The following LRP2 variants were observed in gnomAD, a reference collection of about 807,000 sequenced individuals.
The protein encoded by LRP2 is LDL receptor related protein 2, also known as low-density lipoprotein receptor-related protein 2.
A neutral mutation model predicts 531.0 loss-of-function variants in LRP2; 172 were observed. That is an observed-to-expected ratio of 0.32 (90% CI 0.29 to 0.37). The LOEUF is 0.37. Ranked by LOEUF, LRP2 falls within the 10% of genes least tolerant of loss-of-function variation. The probability of loss-of-function intolerance (pLI) is 1.00; values close to 1 mark genes in which losing one functional copy is unlikely to be tolerated. For missense variants in LRP2, 5,167 were observed against 5,868.3 expected, an observed-to-expected ratio of 0.88 and a Z score of 3.90; for synonymous variants, 1,992 against 2,027.6, an observed-to-expected ratio of 0.98 and a Z score of 0.47.
rs193104929 is a variant in LRP2, at chr2:169,183,153, G to A, written c.9846-834C>T. On this transcript the variant is annotated intron_variant, in intron 50 of 78. Transcript: ENST00000649046. ...TAGGATTTGATAATCAATTCCAACC[G>A]GAAGGAGAATGAAGGAGAATGATTT... Among the ~76,000 whole-genome samples, 149 of 152,252 alleles carry A rather than the reference G, an allele frequency of 9.8e-4. 1 individual carries two copies. Among genetic ancestry groups the A allele is most frequent in the African/African-American group, 3.3e-3 (138 of 41,552 alleles).
chr2:169,163,653 G>T (rs948162098), intron 62 of LRP2, among the ~76,000 whole-genome samples: 1 of 151,980 alleles, frequency 6.6e-6, no homozygotes, highest in Non-Finnish European at 1.5e-5. Flanking sequence ...TCAAATGCCT[G>T]GTATGTTTCT....
rs1164350908 is a variant in LRP2, at chr2:169,247,585, T to C, written c.2771-70A>G. 3 of 1,529,170 alleles carry C rather than the reference T, an allele frequency of 2.0e-6. No individual in the cohort carries two copies. The African/African-American group carries it at 4.1e-5, about 21-fold the overall frequency. 94.7% of individuals were successfully genotyped at this position (1,529,170 alleles called of 1,614,324 possible). ...CTTATAAATAAATCACTTGAGAAAA[T>C]GCAATAGGCTTGAAATGCTTCTTGC... On this transcript the variant is annotated intron_variant, in intron 19 of 78. Transcript: ENST00000649046.
At position 169,206,744 on chromosome 2, in the gene LRP2, C is replaced by G; in HGVS notation, c.6976G>C (p.Val2326Leu). The G allele has an allele frequency of 6.2e-7, 1 of 1,614,158 alleles. No individual in the cohort carries two copies. Among genetic ancestry groups the G allele is most frequent in the Non-Finnish European group, 8.5e-7 (1 of 1,180,014 alleles). ...IRDNINWLRD[V>L]TIFDKQVQPR... ...TGGACTTGCTTGTCAAAGATGGTCA[C>G]ATCTCTTAGCCAGTTGATATTGTCT... The change falls in exon 39 of 79, where the codon GTG (valine) becomes CTG (leucine). Residue 2326 changes from valine to leucine, a missense_variant. Around this residue, in one of 6 missense-constraint regions of LRP2, gnomAD observed 2,811 missense variants for 3,058.0 expected, o/e 0.92. Coordinates refer to ENST00000649046, the MANE Select transcript of LRP2 (RefSeq NM_004525.3).
intron 19 of LRP2, among the ~76,000 whole-genome samples, chr2:169,255,409 T>G (rs556325898): frequency 6.6e-6 from 1 of 152,216 alleles, no homozygotes; most frequent in East Asian, 1.9e-4. Flanking sequence ...TGCACTCAAA[T>G]GGGGAGCTGA....
At chr2:169,152,756 A>G (rs759989260) in intron 67 of LRP2, 43 bp downstream of exon 67, 16 of 1,611,470 alleles carry the variant, frequency 9.9e-6, no homozygotes, top group East Asian at 2.2e-5. Flanking sequence ...AACTCTAACC[A>G]GGAAAACAGA....
intron 8 of LRP2, 122 bp from the exon 9 acceptor site, chr2:169,289,267 C>G (rs1207889311): frequency 7.8e-7 from 1 of 1,282,992 alleles, no homozygotes; most frequent in African/African-American, 1.5e-5. Flanking sequence ...ACAGAAAAAT[C>G]TGTCACCCTT....
intron 1 of LRP2, among the ~76,000 whole-genome samples, chr2:169,360,924 A>G (rs1686131226): frequency 6.6e-6 from 1 of 152,150 alleles, no homozygotes; most frequent in African/African-American, 2.4e-5. Flanking sequence ...CAGATTAACC[A>G]TTTGAATACA....
chr2:169,355,952 A>G (rs12995288), intron 1 of LRP2, among the ~76,000 whole-genome samples: 36,208 of 152,114 alleles, frequency 0.24, 4,910 homozygotes, highest in Non-Finnish European at 0.3. Context: ...GTGCAGTGGC[A>G]TGATCACAGC....
At chr2:169,330,000 T>G (rs1033016632) in intron 1 of LRP2, among the ~76,000 whole-genome samples, 3 of 152,194 alleles carry the variant, frequency 2.0e-5, no homozygotes, top group Non-Finnish European at 4.4e-5. Context: ...AAACTGCACA[T>G]GAGAGGGATC....
At chr2:169,283,801 A>G (rs1241712928) in intron 9 of LRP2, among the ~76,000 whole-genome samples, 1 of 152,222 alleles carries the variant, frequency 6.6e-6, no homozygotes, top group Non-Finnish European at 1.5e-5. Flanking sequence ...GTTCATTACC[A>G]GAGAAGTCCC....
intron 16 of LRP2, among the ~76,000 whole-genome samples, chr2:169,267,367 T>C (rs1683243654): frequency 6.6e-6 from 1 of 152,050 alleles, no homozygotes; most frequent in Admixed American, 6.6e-5. Context: ...AAAGCACTCC[T>C]CAGCAAATGT....
At chr2:169,158,397 ATTATG>A (rs1558985093) in intron 63 of LRP2, among the ~76,000 whole-genome samples, 3 of 152,234 alleles carry the variant, frequency 2.0e-5, no homozygotes, top group East Asian at 3.9e-4. Flanking sequence ...TAGGGAATAA[ATTATG>A]TTATAGTATA....
intron 8 of LRP2, among the ~76,000 whole-genome samples, chr2:169,289,690 A>G (rs1018695524): frequency 2.6e-5 from 4 of 152,214 alleles, no homozygotes; most frequent in Non-Finnish European, 5.9e-5. Flanking sequence ...ACATAGTAAA[A>G]AGGGCTAAGA....
chr2:169,258,658 T>C (rs895101626), intron 17 of LRP2, among the ~76,000 whole-genome samples: 1 of 152,112 alleles, frequency 6.6e-6, no homozygotes, highest in Non-Finnish European at 1.5e-5. Context: ...TGCTAAGCTT[T>C]ATATAAATAT....
chr2:169,190,830 C>T (rs1004064447), intron 48 of LRP2, among the ~76,000 whole-genome samples: 8 of 152,212 alleles, frequency 5.3e-5, no homozygotes, highest in African/African-American at 1.7e-4. Flanking sequence ...TGCTAATGCT[C>T]GTACTATTTT....
chr2:169,284,256 C>CTTT (rs1216987363), intron 9 of LRP2, among the ~76,000 whole-genome samples: 1,194 of 96,186 alleles, frequency 0.012, 164 homozygotes, highest in African/African-American at 0.016. Flanking sequence ...TCTTTTTTTT[C>CTTT]TTTTTTTTTT....
intron 1 of LRP2, among the ~76,000 whole-genome samples, chr2:169,345,142 C>A (rs1037822611): frequency 3.9e-5 from 6 of 152,180 alleles, no homozygotes; most frequent in Non-Finnish European, 7.3e-5. Context: ...ATCAACTAAT[C>A]ATTTCCCAGG....
chr2:169,285,087 T>C lies in LRP2; in HGVS notation c.1043-2086A>G, dbSNP rs567489418. ...ACTTTGGGAGGGTAAGGTGGGAGGA[T>C]TGCTTGAGTCCAAGGGTTTGAGACT... On this transcript the variant is annotated intron_variant, in intron 9 of 78. Transcript: ENST00000649046. 9.2e-5 allele frequency among the ~76,000 whole-genome samples: 14 copies of C among 151,606 alleles called. No homozygotes were observed. In the East Asian group the frequency reaches 2.5e-3, roughly 27 times the overall value.
At chr2:169,357,289 T>TTTTTATTTTATTTTATTTTA (rs148875655) in intron 1 of LRP2, among the ~76,000 whole-genome samples, 23 of 116,996 alleles carry the variant, frequency 2.0e-4, no homozygotes, top group African/African-American at 6.6e-4. Flanking sequence ...TTTTTATTTA[T>TTTTTATTTTATTTTATTTTA]TTTTATTTTA....
Sources: allele counts gnomAD v4.1 joint callset (sites outside exome capture counted in the v4.1 genomes callset), GRCh38; gene constraint gnomAD v4.1.1; regional missense constraint gnomAD v4.1.1; transcripts MANE v1.5; gene names NCBI Gene and HGNC (gene_info 2026-07-23, HGNC 2026-07-21).